C14orf132: variants seen among roughly 807,000 people sequenced by gnomAD.
The protein encoded by C14orf132 is uncharacterized protein C14orf132.
In C14orf132, 6 loss-of-function variants were observed where a neutral mutation model predicts 5.8. The observed-to-expected ratio is 1.03, with a 90% CI of 0.57 to 2.04. C14orf132 has a LOEUF of 2.04. Among genes scored for constraint, C14orf132 ranks in the 30% most tolerant of loss-of-function variants. C14orf132 has a pLI of 0.00. For missense variants in C14orf132, 125 were observed against 115.8 expected, an observed-to-expected ratio of 1.08 and a Z score of -0.37; for synonymous variants, 51 against 49.8, an observed-to-expected ratio of 1.02 and a Z score of -0.10.
In C14orf132 at chr14:96,087,634, GCTCA is replaced by G. The variant is rs1266264877; in HGVS notation, c.*902_*905del. On this transcript the variant is annotated 3_prime_UTR_variant, in exon 2 of 2. Coordinates refer to ENST00000555004, the MANE Select transcript of C14orf132 (RefSeq NM_001252507.3). ...ACAGAAAGATGTGTCCTCACTCTCA[GCTCA>G]CTGAGCTCTCTGCCCCAACTAAGCA... is the stretch of plus-strand genomic sequence containing the variant. 1 of 152,172 alleles carries G rather than the reference GCTCA, an allele frequency of 6.6e-6. No homozygotes were observed. Among genetic ancestry groups the G allele is most frequent in the Admixed American group, 6.5e-5 (1 of 15,272 alleles). 9.4% of individuals were successfully genotyped at this position (152,172 alleles called of 1,614,324 possible).
intron 1 of C14orf132, among the ~76,000 whole-genome samples, chr14:96,046,473 T>G (rs1208897411): frequency 6.6e-6 from 1 of 152,240 alleles, no homozygotes; most frequent in Non-Finnish European, 1.5e-5. Flanking sequence ...TTTATTAGGC[T>G]GAACCATGTG....
Position 96,092,643 on chromosome 14 carries a change from A to C in C14orf132, c.*5908A>C, listed in dbSNP as rs1888451616. 6.6e-6 allele frequency: 1 copy of C among 152,220 alleles called. No homozygotes were observed. Among genetic ancestry groups the C allele is most frequent in the African/African-American group, 2.4e-5 (1 of 41,460 alleles). 9.4% of individuals were successfully genotyped at this position (152,220 alleles called of 1,614,324 possible). On this transcript the variant is annotated 3_prime_UTR_variant, in exon 2 of 2. Coordinates refer to ENST00000555004, the MANE Select transcript of C14orf132 (RefSeq NM_001252507.3). ...GACAAGGGCTCTATATGCTGGCAGA[A>C]GGGAGCTTCCAACCTTTTAACTTGA...
chr14:96,043,620 G>C (rs566941418), intron 1 of C14orf132, among the ~76,000 whole-genome samples: 36 of 152,264 alleles, frequency 2.4e-4, no homozygotes, highest in African/African-American at 8.2e-4. Context: ...GTGGGAGCCA[G>C]GCACCAGCAC....
intron 1 of C14orf132, among the ~76,000 whole-genome samples, chr14:96,074,827 G>A (rs145263118): frequency 1.7e-4 from 26 of 150,864 alleles, no homozygotes; most frequent in African/African-American, 5.1e-4. Context: ...TAGCTTTATC[G>A]TAAGTCTTGA....
rs1886633208 is a variant in C14orf132 at position 96,039,717 on chromosome 14, G to A, written c.27+190G>A. 6.6e-6 allele frequency among the ~76,000 whole-genome samples: 1 copy of A among 152,112 alleles called. No homozygotes were observed. The highest frequency in any genetic ancestry group is 3.5e-3 in the Middle Eastern group (1 of 288). Reference sequence around the variant, plus strand: ...GCGGCGATCGCGGCTCTCCCGGGGTGGGGCGGGCTGCGCGCCCCGCACCCC... The same window carrying A: ...GCGGCGATCGCGGCTCTCCCGGGGTAGGGCGGGCTGCGCGCCCCGCACCCC... On this transcript the variant is annotated intron_variant, in intron 1 of 1. Coordinates refer to ENST00000555004, the MANE Select transcript of C14orf132 (RefSeq NM_001252507.3). This position sits in a 1 kb window ranked among gnomAD's most constrained non-coding sequence, Gnocchi z 5.3.
intron 1 of C14orf132, among the ~76,000 whole-genome samples, chr14:96,065,662 C>T (rs1887510274): frequency 6.6e-6 from 1 of 151,914 alleles, no homozygotes; most frequent in African/African-American, 2.4e-5. Context: ...CCCTCCACCC[C>T]CAGCATGTAG....
At chr14:96,040,561 T>C (rs1051362641) in intron 1 of C14orf132, among the ~76,000 whole-genome samples, 2 of 152,144 alleles carry the variant, frequency 1.3e-5, no homozygotes, top group African/African-American at 4.8e-5. Context: ...TCCCCAAGCT[T>C]CACCTGTAGT....
intron 1 of C14orf132, among the ~76,000 whole-genome samples, chr14:96,055,684 G>A (rs1887162075): frequency 6.6e-6 from 1 of 152,158 alleles, no homozygotes; most frequent in Admixed American, 6.5e-5. Flanking sequence ...AGTTCTGTAA[G>A]GGACTCTCTG....
Position 96,087,246 on chromosome 14 carries a change from T to C in C14orf132, c.*511T>C, listed in dbSNP as rs1448147850. On this transcript the variant is annotated 3_prime_UTR_variant, in exon 2 of 2. Coordinates refer to ENST00000555004, the MANE Select transcript of C14orf132 (RefSeq NM_001252507.3). Reference sequence around the variant, plus strand: ...GTAGGGCCATTGGATGTTCCTAGTTTGACTTTGAAATGGCACCTTTGCCAC... The same window carrying C: ...GTAGGGCCATTGGATGTTCCTAGTTCGACTTTGAAATGGCACCTTTGCCAC... 6.5e-6 allele frequency: 1 copy of C among 154,420 alleles called. No homozygotes were observed. Among genetic ancestry groups the C allele is most frequent in the Non-Finnish European group, 1.4e-5 (1 of 69,782 alleles). The allele number at this position is 154,420 out of a possible 1,614,324, so 9.6% of individuals were successfully genotyped here. A position where few individuals can be genotyped will look rare whatever the true frequency, so the allele number is the denominator to read the frequency against.
At chr14:96,073,727 A>G (rs759523254) in intron 1 of C14orf132, among the ~76,000 whole-genome samples, 2 of 152,262 alleles carry the variant, frequency 1.3e-5, no homozygotes, top group Non-Finnish European at 2.9e-5. Context: ...TATTAAAAAG[A>G]TACATGCATG....
intron 1 of C14orf132, among the ~76,000 whole-genome samples, chr14:96,050,888 C>A (rs1033854973): frequency 6.6e-6 from 1 of 152,098 alleles, no homozygotes; most frequent in Admixed American, 6.5e-5. Context: ...AATCTATTCC[C>A]TATTACTCCA....
chr14:96,072,755 C>G (rs766142056), intron 1 of C14orf132, among the ~76,000 whole-genome samples: 1 of 152,234 alleles, frequency 6.6e-6, no homozygotes, highest in Non-Finnish European at 1.5e-5. Context: ...TTCCACATAG[C>G]TTCATTCAGT....
In C14orf132 at chr14:96,090,696, A is replaced by G; in HGVS notation, c.*3961A>G. 2.2e-6 allele frequency: 1 copy of G among 456,004 alleles called. No homozygotes were observed. Among genetic ancestry groups the G allele is most frequent in the Non-Finnish European group, 4.4e-6 (1 of 226,778 alleles). The allele number at this position is 456,004 out of a possible 1,614,324, so 28.2% of individuals were successfully genotyped here. A position where few individuals can be genotyped will look rare whatever the true frequency, so the allele number is the denominator to read the frequency against. ...TTTCAGATCCCCCAGGATCTGAGGG[A>G]GAAAGGATGGGAGGAGGGGCAGCAG... is the stretch of plus-strand genomic sequence containing the variant. On this transcript the variant is annotated 3_prime_UTR_variant, in exon 2 of 2. Transcript: ENST00000555004.
At chr14:96,054,510 C>A (rs1236439683) in intron 1 of C14orf132, among the ~76,000 whole-genome samples, 1 of 152,156 alleles carries the variant, frequency 6.6e-6, no homozygotes, top group South Asian at 2.1e-4. Flanking sequence ...TGCTTAATTT[C>A]TTGGAGCCTC....
chr14:96,049,650 A>ACATATATACG (rs1411659430), intron 1 of C14orf132, among the ~76,000 whole-genome samples: 38 of 83,122 alleles, frequency 4.6e-4, no homozygotes, highest in Non-Finnish European at 5.6e-4. Flanking sequence ...GTATATATAT[A>ACATATATACG]TATAGAGAGA....
At chr14:96,049,590 A>G (rs1416370511) in intron 1 of C14orf132, among the ~76,000 whole-genome samples, 2 of 137,292 alleles carry the variant, frequency 1.5e-5, no homozygotes, top group Non-Finnish European at 3.1e-5. Flanking sequence ...GTATATATAT[A>G]CATATATACG....
At chr14:96,047,676 G>C (rs1238494814) in intron 1 of C14orf132, among the ~76,000 whole-genome samples, 1 of 152,206 alleles carries the variant, frequency 6.6e-6, no homozygotes. Context: ...AGGGCACACA[G>C]CTGGGGATCA....
At chr14:96,049,872 A>G (rs1225574268) in intron 1 of C14orf132, among the ~76,000 whole-genome samples, 1 of 151,272 alleles carries the variant, frequency 6.6e-6, no homozygotes, top group African/African-American at 2.4e-5. Flanking sequence ...TCTGCTATTA[A>G]TAATAGCCCC....
chr14:96,082,299 G>C (rs542374307), intron 1 of C14orf132, among the ~76,000 whole-genome samples: 1 of 152,292 alleles, frequency 6.6e-6, no homozygotes, highest in South Asian at 2.1e-4. Context: ...TGGGCTTTGA[G>C]AGTGACATTC....
Sources: gnomAD v4.1 joint callset for allele counts (sites outside exome capture counted in the v4.1 genomes callset) on GRCh38, gnomAD v4.1.1 for gene constraint, Gnocchi (gnomAD v3.1) non-coding constraint, MANE v1.5 for transcripts, NCBI Gene and HGNC (gene_info 2026-07-23, HGNC 2026-07-21) for gene names.